The following VIT variants were observed in gnomAD, a reference collection of about 807,000 sequenced individuals.
VIT encodes the protein vitrin.
In VIT, 99 loss-of-function variants were observed where a neutral mutation model predicts 78.0. The observed-to-expected ratio is 1.27, with a 90% CI of 1.08 to 1.50. The LOEUF is 1.50. Among genes scored for constraint, VIT ranks in the 40% most tolerant of loss-of-function variants. VIT has a pLI of 0.00. For synonymous variants in VIT, 374 were observed against 334.3 expected (o/e 1.12, Z -1.29); for missense variants, 1,126 against 875.3 (o/e 1.29, Z -3.61).
chr2:36,701,255 G>A (rs1558497217), intron 1 of VIT, among the ~76,000 whole-genome samples: 2 of 152,138 alleles, frequency 1.3e-5, no homozygotes, highest in South Asian at 4.2e-4. Context: ...TTGGGTGGAT[G>A]GGGAAAAGCT....
At chr2:36,800,046 C>CAA (rs754185532) in intron 12 of VIT, among the ~76,000 whole-genome samples, 7,569 of 89,230 alleles carry the variant, frequency 0.085, 536 homozygotes, top group East Asian at 0.27. Flanking sequence ...GACTCCGTCT[C>CAA]AAAAAAAAAA....
At chr2:36,763,858 G>A (rs1242675245) in intron 6 of VIT, among the ~76,000 whole-genome samples, 4 of 152,128 alleles carry the variant, frequency 2.6e-5, no homozygotes, top group African/African-American at 9.7e-5. Context: ...GCAAGTGCTA[G>A]GATTACAGGC....
intron 14 of VIT, among the ~76,000 whole-genome samples, 165 bp from the exon 15 acceptor site, chr2:36,808,307 G>C (rs1029095192): frequency 6.6e-6 from 1 of 152,244 alleles, no homozygotes; most frequent in African/African-American, 2.4e-5. Flanking sequence ...CTTCGCCTCA[G>C]TGAGTGGCCG....
rs1398521177 is a variant in VIT at position 36,808,381 on chromosome 2, C to T, written c.1390-91C>T. On this transcript the variant is annotated intron_variant, in intron 14 of 15. Coordinates refer to ENST00000379242, the MANE Select transcript of VIT (RefSeq NM_053276.4). ...AGTGCAGAAAACAAGGGCCTGCTTG[C>T]TTCTTCACCTGCCCCGGGGGATCAA... is the stretch of plus-strand genomic sequence containing the variant. The T allele has an allele frequency of 3.4e-6, 5 of 1,469,426 alleles. No homozygotes were observed. The African/African-American group carries it at 5.7e-5, about 17-fold the overall frequency. The allele number at this position is 1,469,426 out of a possible 1,614,324, so 91.0% of individuals were successfully genotyped here. A position where few individuals can be genotyped will look rare whatever the true frequency, so the allele number is the denominator to read the frequency against.
At chr2:36,772,919 G>C (rs771182334) in intron 7 of VIT, among the ~76,000 whole-genome samples, 1 of 152,092 alleles carries the variant, frequency 6.6e-6, no homozygotes, top group Non-Finnish European at 1.5e-5. Context: ...CCTTCCAAAG[G>C]CTTTGCATTT....
chr2:36,701,897 C>A (rs1428957764), intron 1 of VIT, among the ~76,000 whole-genome samples: 1 of 152,156 alleles, frequency 6.6e-6, no homozygotes, highest in Non-Finnish European at 1.5e-5. Context: ...TTTTGGGCCA[C>A]CTCCATGTGC....
chr2:36,740,130 T>C (rs555373969), intron 3 of VIT, among the ~76,000 whole-genome samples: 17 of 152,294 alleles, frequency 1.1e-4, no homozygotes, highest in Admixed American at 5.2e-4. Context: ...TCTGCACTTT[T>C]AGGATCAAAC....
chr2:36,741,056 G>A (rs1667805627), intron 3 of VIT, among the ~76,000 whole-genome samples: 1 of 152,138 alleles, frequency 6.6e-6, no homozygotes, highest in African/African-American at 2.4e-5. Flanking sequence ...AAAAAATTAA[G>A]AACAAAGAAG....
intron 12 of VIT, chr2:36,787,910 A>G (rs749016063): frequency 5.1e-5 from 22 of 435,122 alleles, no homozygotes; most frequent in Non-Finnish European, 8.7e-5. Context: ...CTATTATTAT[A>G]CTTAGGATAG....
At chr2:36,801,146 A>G (rs1258149412) in intron 12 of VIT, 155 bp from the exon 13 acceptor site, 2 of 710,296 alleles carry the variant, frequency 2.8e-6, no homozygotes, top group Non-Finnish European at 4.9e-6. Context: ...CCTTTTCTCT[A>G]CACACACCAG....
Position 36,743,248 on chromosome 2 carries a change from C to T in VIT, c.267C>T (p.Ala89=), listed in dbSNP as rs144814869. 6.4e-5 allele frequency: 103 copies of T among 1,613,446 alleles called. No homozygotes were observed. In the African/African-American group the frequency reaches 7.9e-4, roughly 12 times the overall value. ...CCTACTCCAGTGTGTGTGGCGCTGC[C>T]GTACACAGGTGAGTGGTTCTGAGCT... ...YASYSSVCGA[A]VHSGVLDNSG... The change falls in exon 4 of 16, where the codon GCC becomes GCT. Residue 89 remains alanine, a synonymous_variant. Coordinates refer to ENST00000379242, the MANE Select transcript of VIT (RefSeq NM_053276.4).
chr2:36,709,825 G>A (rs544543190), intron 1 of VIT, among the ~76,000 whole-genome samples: 32 of 152,192 alleles, frequency 2.1e-4, no homozygotes, highest in Non-Finnish European at 4.4e-4. Flanking sequence ...GTGTTGAAAG[G>A]GAAGGCAGGC....
chr2:36,776,995 A>G (rs543682708), intron 9 of VIT, among the ~76,000 whole-genome samples: 12 of 149,454 alleles, frequency 8.0e-5, no homozygotes, highest in African/African-American at 2.4e-4. Flanking sequence ...AGGCTGAGGC[A>G]GGAGAATGGC....
In VIT at chr2:36,805,788, G is replaced by C. The variant is rs906125498; in HGVS notation, c.1389+124G>C. On this transcript the variant is annotated intron_variant, in intron 14 of 15. Coordinates refer to ENST00000379242, the MANE Select transcript of VIT (RefSeq NM_053276.4). The stretch of plus-strand genomic sequence containing the variant: ...ATGAAGCTCATCTCTAGGCAGTAAG[G>C]CCTCCAGGGAGGGACTGGTCAATCC... The C allele has an allele frequency of 5.6e-6, 6 of 1,064,716 alleles. No individual in the cohort carries two copies. The East Asian group carries it at 1.6e-4, about 28-fold the overall frequency. 66.0% of individuals were successfully genotyped at this position (1,064,716 alleles called of 1,614,324 possible).
chr2:36,727,631 A>G (rs562981675), intron 2 of VIT, among the ~76,000 whole-genome samples: 51 of 152,366 alleles, frequency 3.3e-4, no homozygotes, highest in Non-Finnish European at 5.1e-4. Context: ...GGCTGAGAAA[A>G]GTATACAAAC....
At chr2:36,775,160 G>C (rs866345666) in intron 9 of VIT, 93 bp downstream of exon 9, 1 of 1,429,178 alleles carries the variant, frequency 7.0e-7, no homozygotes. Flanking sequence ...CTTGTTCTTG[G>C]CCTCTGCAGC....
intron 3 of VIT, among the ~76,000 whole-genome samples, chr2:36,740,135 T>C (rs1163250480): frequency 7.2e-5 from 11 of 152,072 alleles, no homozygotes; most frequent in African/African-American, 2.7e-4. Context: ...ACTTTTAGGA[T>C]CAAACTCAGA....
chr2:36,748,758 G>A (rs1668285212), intron 4 of VIT, among the ~76,000 whole-genome samples: 1 of 152,182 alleles, frequency 6.6e-6, no homozygotes, highest in Admixed American at 6.5e-5. Flanking sequence ...GCTAGTCCTG[G>A]CACTCAGCAA....
chr2:36,750,165 T>G (rs1024279908), intron 4 of VIT, among the ~76,000 whole-genome samples: 10 of 152,374 alleles, frequency 6.6e-5, no homozygotes, highest in Middle Eastern at 3.4e-3. Context: ...AACTTCAGAC[T>G]ATGAAATAAA....
Sources: allele counts gnomAD v4.1 joint callset (sites outside exome capture counted in the v4.1 genomes callset), GRCh38; gene constraint gnomAD v4.1.1; transcripts MANE v1.5; gene names NCBI Gene and HGNC (gene_info 2026-07-23, HGNC 2026-07-21).